Variants in CAPN12 observed in about 807,000 individuals in gnomAD.
CAPN12 encodes the protein calpain 12.
Under a neutral mutation model 95.0 loss-of-function variants are expected in CAPN12, and 107 were observed. The observed-to-expected ratio is 1.13, with a 90% CI of 0.96 to 1.32. CAPN12 has a LOEUF of 1.32. Among genes scored for constraint, CAPN12 ranks in the 40% most tolerant of loss-of-function variants. The pLI is 0.00. For synonymous variants in CAPN12, 505 were observed against 415.5 expected, an observed-to-expected ratio of 1.22 and a Z score of -2.62; for missense variants, 1,136 against 997.8, an observed-to-expected ratio of 1.14 and a Z score of -1.87.
rs1371710955 is a variant in CAPN12, at chr19:38,737,549, C to T, written c.1055G>A (p.Gly352Asp). 4 of 1,612,332 alleles carry T rather than the reference C, an allele frequency of 2.5e-6. No individual in the cohort carries two copies. Among genetic ancestry groups the T allele is most frequent in the East Asian group, 2.2e-5 (1 of 44,876 alleles). ...PEVLGPSPEG[G>D]GWHVHTFQGR... ...TTGGAAGGTGTGGACGTGCCAGCCG[C>T]CCCCCTCCGGGCTGGGGCCCAGCAC... Residue 352 changes from glycine (G) to aspartate (D), a missense_variant, in exon 9 of 21, where the codon GGC (glycine) becomes GAC (aspartate). By Grantham distance (94) the Gly-to-Asp change is moderately conservative. Transcript: ENST00000328867.
intron 8 of CAPN12, 138 bp downstream of exon 8, chr19:38,738,135 T>C (rs989461113): frequency 1.2e-6 from 1 of 825,860 alleles, no homozygotes. Flanking sequence ...TTTCCCAAAA[T>C]AGAACCTGGC....
intron 4 of CAPN12, 59 bp downstream of exon 4, chr19:38,741,718 T>C (rs761047545): frequency 1.1e-5 from 17 of 1,597,222 alleles, no homozygotes; most frequent in South Asian, 3.3e-5. Flanking sequence ...GGTCCCCCTG[T>C]GGCTTGATGC....
Position 38,744,343 on chromosome 19 carries a change from T to A in CAPN12, c.-178A>T. On this transcript the variant is annotated 5_prime_UTR_variant, in exon 1 of 21. It adds an upstream start codon to the 5' untranslated region. Coordinates refer to ENST00000328867, the MANE Select transcript of CAPN12 (RefSeq NM_144691.4). ...CAGGGACGCCTCTTCAGTAGCTTTC[T>A]TCCCAGGGCGTGGGGCCTTCAGTTG... The A allele has an allele frequency of 1.6e-6, 1 of 641,342 alleles. No individual in the cohort carries two copies. The highest frequency in any genetic ancestry group is 2.7e-6 in the Non-Finnish European group (1 of 370,440). The allele number at this position is 641,342 out of a possible 1,614,324, so 39.7% of individuals were successfully genotyped here. A position where few individuals can be genotyped will look rare whatever the true frequency, so the allele number is the denominator to read the frequency against.
In CAPN12 at chr19:38,735,591, T is replaced by G. The variant is rs748069603; in HGVS notation, c.1584-47A>C. The G allele has an allele frequency of 5.1e-6, 8 of 1,574,854 alleles. No homozygotes were observed. The African/African-American group carries it at 6.0e-5, about 12-fold the overall frequency. On this transcript the variant is annotated intron_variant, in intron 12 of 20. Coordinates refer to ENST00000328867, the MANE Select transcript of CAPN12 (RefSeq NM_144691.4). ...TGGGGAGGGGGCTGTTTGCCCCAGC[T>G]GGGGCTGTGTGGGACGGGGTCTCAG...
At position 38,743,722 on chromosome 19, in the gene CAPN12, A is replaced by G. The variant is rs57341847; in HGVS notation, c.237+207T>C. Among the ~76,000 whole-genome samples, 3,663 of 105,298 alleles carry G rather than the reference A, an allele frequency of 0.035. 257 individuals carry two copies. The highest frequency in any genetic ancestry group is 0.11 in the East Asian group (349 of 3,110). 69.1% of individuals were successfully genotyped at this position (105,298 alleles called of 152,430 possible). On this transcript the variant is annotated intron_variant, in intron 1 of 20. Coordinates refer to ENST00000328867, the MANE Select transcript of CAPN12 (RefSeq NM_144691.4). Reference sequence around the variant, plus strand: ...CCCAGCCCCTCCTCCCTCAGACCCAAGAGTCCAGGCCCAGCCCTTCCTCCC... The same window carrying G: ...CCCAGCCCCTCCTCCCTCAGACCCAGGAGTCCAGGCCCAGCCCTTCCTCCC...
At chr19:38,733,995 G>T in intron 17 of CAPN12, 147 bp downstream of exon 17, 1 of 893,434 alleles carries the variant, frequency 1.1e-6, no homozygotes, top group Non-Finnish European at 1.7e-6. Context: ...GCTGGGTGGG[G>T]GCAGGGATAT....
At position 38,730,973 on chromosome 19, in the gene CAPN12, G is replaced by GT; in HGVS notation, c.2124_2125insA (p.His709ThrfsTer27). The GT allele has an allele frequency of 6.4e-6, 10 of 1,550,876 alleles. No homozygotes were observed. The highest frequency in any genetic ancestry group is 3.3e-4 in the Middle Eastern group (2 of 5,992). ...CCTCCCACCTGGCTCACCTGTCTGT[G>GT]GGTCAGGCAGATGACCCCCTCACCC... is the stretch of plus-strand genomic sequence containing the variant. On this transcript the variant is annotated frameshift_variant, in exon 20 of 21. Coordinates refer to ENST00000328867, the MANE Select transcript of CAPN12 (RefSeq NM_144691.4). LOFTEE classifies it high-confidence loss of function.
In CAPN12 at chr19:38,738,579, G is replaced by C; in HGVS notation, c.799C>G (p.His267Asp). ...KGHAYSITGT[H>D]KVFLGFTKVR... is the part of the protein sequence containing the mutation. Reference sequence around the variant, plus strand: ...CACCCATGGGGGACACTTACCTTGTGTGTGCCCGTGATGGAATACGCGTGT... The same window carrying C: ...CACCCATGGGGGACACTTACCTTGTCTGTGCCCGTGATGGAATACGCGTGT... Residue 267 changes from histidine to aspartate, a missense_variant, in exon 6 of 21, where the codon CAC becomes GAC. By Grantham distance (81) the His-to-Asp change is moderately conservative. Coordinates refer to ENST00000328867, the MANE Select transcript of CAPN12 (RefSeq NM_144691.4). 1 of 1,614,028 alleles carries C rather than the reference G, an allele frequency of 6.2e-7. No homozygotes were observed. The highest frequency in any genetic ancestry group is 8.5e-7 in the Non-Finnish European group (1 of 1,180,010).
intron 1 of CAPN12, 54 bp from the exon 2 acceptor site, chr19:38,743,156 C>T (rs545035291): frequency 1.9e-5 from 30 of 1,606,392 alleles, no homozygotes; most frequent in Non-Finnish European, 2.4e-5. Context: ...GGAAAGGTCT[C>T]ATCCAGAGGA....
At chr19:38,741,675 T>C (rs1189172745) in intron 4 of CAPN12, 102 bp downstream of exon 4, 1 of 1,395,596 alleles carries the variant, frequency 7.2e-7, no homozygotes, top group East Asian at 2.4e-5. Context: ...CTTGGTGGGG[T>C]GTTTGGAGGA....
Position 38,737,336 on chromosome 19 carries a change from C to T in CAPN12, c.1182G>A (p.Glu394=), listed in dbSNP as rs1970269823. The T allele has an allele frequency of 6.2e-7, 1 of 1,602,978 alleles. No homozygotes were observed. The highest frequency in any genetic ancestry group is 1.7e-5 in the Admixed American group (1 of 58,588). Reference sequence around the variant, plus strand: ...GCCCTTCCTCATCCTCGTCATCCTCCTCATCAGGCTCCAGCAGCGTTAAAC... The same window carrying T: ...GCCCTTCCTCATCCTCGTCATCCTCTTCATCAGGCTCCAGCAGCGTTAAAC... ...QFRLTLLEPD[E]EDDEDEEGPW... is the part of the protein sequence containing the mutation. The change falls in exon 10 of 21, where the codon GAG becomes GAA. Residue 394 remains glutamate, a synonymous_variant. Coordinates refer to ENST00000328867, the MANE Select transcript of CAPN12 (RefSeq NM_144691.4).
intron 16 of CAPN12, 36 bp from the exon 17 acceptor site, chr19:38,734,240 A>G (rs767232857): frequency 3.2e-5 from 51 of 1,611,778 alleles, no homozygotes; most frequent in Non-Finnish European, 4.0e-5. Flanking sequence ...GTTAAGGTCA[A>G]TCTCTCCAGA....
At chr19:38,731,873 G>A (rs1356425012) in intron 18 of CAPN12, among the ~76,000 whole-genome samples, 1 of 152,226 alleles carries the variant, frequency 6.6e-6, no homozygotes, top group Non-Finnish European at 1.5e-5. Flanking sequence ...ATTTCATGCT[G>A]TGCCCAGTGC....
chr19:38,741,956 C>A (rs1326343065), intron 3 of CAPN12, 46 bp from the exon 4 acceptor site: 2 of 1,600,988 alleles, frequency 1.2e-6, no homozygotes, highest in Non-Finnish European at 1.7e-6. Flanking sequence ...CAACCTCCAA[C>A]CCTGCCTGGG....
In CAPN12 at chr19:38,730,479, T is replaced by TAAACC. The variant is rs1174805665; in HGVS notation, c.*368_*372dup. ...TTGATTTTTTTTCTTGGTTTCTGGA[T>TAAACC]AAACCACCCTCTGGGGACAGGATAA... is the stretch of plus-strand genomic sequence containing the variant. On this transcript the variant is annotated 3_prime_UTR_variant, in exon 21 of 21. Coordinates refer to ENST00000328867, the MANE Select transcript of CAPN12 (RefSeq NM_144691.4). 4.1e-6 allele frequency: 1 copy of TAAACC among 245,138 alleles called. No individual in the cohort carries two copies. Among genetic ancestry groups the TAAACC allele is most frequent in the Non-Finnish European group, 8.0e-6 (1 of 124,750 alleles). The allele number at this position is 245,138 out of a possible 1,614,324, so 15.2% of individuals were successfully genotyped here.
At position 38,730,600 on chromosome 19, in the gene CAPN12, A is replaced by AG; in HGVS notation, c.*251dup. On this transcript the variant is annotated 3_prime_UTR_variant, in exon 21 of 21. Transcript: ENST00000328867. ...CCACCTTCTAGGAGAGCCAGGGCAG[A>AG]GCTAGCACTGTCTTAAGCTGTCAAC... is the stretch of plus-strand genomic sequence containing the variant. 1.7e-6 allele frequency: 1 copy of AG among 590,346 alleles called. No individual in the cohort carries two copies. The highest frequency in any genetic ancestry group is 3.0e-6 in the Non-Finnish European group (1 of 330,004). 36.6% of individuals were successfully genotyped at this position (590,346 alleles called of 1,614,324 possible).
chr19:38,736,348 A>G, intron 11 of CAPN12, 30 bp from the exon 12 acceptor site: 1 of 1,459,558 alleles, frequency 6.9e-7, no homozygotes, highest in East Asian at 2.7e-5. Context: ...ACCACGGACC[A>G]GGCTCACCCC....
intron 4 of CAPN12, among the ~76,000 whole-genome samples, chr19:38,741,315 G>A (rs1970530199): frequency 1.3e-5 from 2 of 152,152 alleles, no homozygotes; most frequent in African/African-American, 4.8e-5. Flanking sequence ...GCTCACACCT[G>A]TAATCCCAGT....
chr19:38,732,345 T>C (rs1452291924), intron 18 of CAPN12, among the ~76,000 whole-genome samples: 2 of 151,966 alleles, frequency 1.3e-5, no homozygotes, highest in African/African-American at 4.8e-5. Flanking sequence ...TCTTTTTTCT[T>C]TTTTGAGACG....
Sources: allele counts gnomAD v4.1 joint callset (sites outside exome capture counted in the v4.1 genomes callset), GRCh38; gene constraint gnomAD v4.1.1; transcripts MANE v1.5; gene names NCBI Gene and HGNC (gene_info 2026-07-23, HGNC 2026-07-21).